KCNN2: variants seen among roughly 807,000 people sequenced by gnomAD.
KCNN2 encodes small conductance calcium-activated potassium channel protein 2.
KCNN2 carries 24 observed loss-of-function variants against 55.5 expected under a neutral mutation model. That is an observed-to-expected ratio of 0.43 (90% CI 0.31 to 0.61). The LOEUF (loss-of-function observed/expected upper bound fraction) is 0.61, where lower values mean the gene tolerates loss of function less well. Ranked by LOEUF, KCNN2 falls within the 20% of genes least tolerant of loss-of-function variation. KCNN2 has a pLI of 0.08. For missense variants in KCNN2, 754 were observed against 853.6 expected, an observed-to-expected ratio of 0.88 and a Z score of 1.45; for synonymous variants, 431 against 336.1, an observed-to-expected ratio of 1.28 and a Z score of -3.09.
chr5:114,156,850 T>A (rs1752645499), intron 1 of KCNN2, among the ~76,000 whole-genome samples: 1 of 152,134 alleles, frequency 6.6e-6, no homozygotes, highest in Non-Finnish European at 1.5e-5. Context: ...TCCATGTTAG[T>A]TCCTTTTCTA....
At chr5:114,069,188 G>A (rs1750514222) in intron 1 of KCNN2, among the ~76,000 whole-genome samples, 1 of 152,088 alleles carries the variant, frequency 6.6e-6, no homozygotes, top group African/African-American at 2.4e-5. Flanking sequence ...CCTGGTGATG[G>A]CCTGAGAAGA....
chr5:114,129,021 A>G (rs937443846), intron 1 of KCNN2, among the ~76,000 whole-genome samples: 13 of 152,220 alleles, frequency 8.5e-5, no homozygotes, highest in African/African-American at 3.1e-4. Context: ...GGAGGATTTA[A>G]TAAAGGATAA....
At chr5:114,135,565 G>C (rs999226062) in intron 1 of KCNN2, among the ~76,000 whole-genome samples, 2 of 152,056 alleles carry the variant, frequency 1.3e-5, no homozygotes, top group Non-Finnish European at 2.9e-5. Context: ...CCAATATCAG[G>C]GTTTCTTAAA....
At chr5:114,234,493 A>G (rs6594804) in intron 2 of KCNN2, among the ~76,000 whole-genome samples, 124,256 of 152,192 alleles carry the variant, frequency 0.82, 50,867 homozygotes, top group East Asian at 0.9. Context: ...TTGTTATCCC[A>G]TTATATTGAA....
chr5:114,420,918 G>C (rs1345377528), intron 3 of KCNN2, among the ~76,000 whole-genome samples: 1 of 152,018 alleles, frequency 6.6e-6, no homozygotes, highest in Non-Finnish European at 1.5e-5. Context: ...TTCAAGTTAG[G>C]TAAAAATAAT....
rs991913481 is a variant in KCNN2 at position 114,342,434 on chromosome 5, A to G, written c.-184-18511A>G. 1.1e-4 allele frequency among the ~76,000 whole-genome samples: 16 copies of G among 151,250 alleles called. No homozygotes were observed. In the East Asian group the frequency reaches 2.7e-3, roughly 26 times the overall value. ...AAAATTCTCTAATGTCATGCAAGCC[A>G]TATGGTGTGTGCGTATTGGAGGTAG... On this transcript the variant is annotated intron_variant, in intron 2 of 10. Coordinates refer to the KCNN2 transcript ENST00000512097.
intron 1 of KCNN2, 149 bp downstream of exon 1, chr5:114,363,410 C>T (rs987238245): frequency 8.0e-6 from 8 of 1,006,096 alleles, no homozygotes; most frequent in Non-Finnish European, 5.6e-6. Context: ...CTAGGACGCG[C>T]ATCCGTAGTC....
chr5:114,254,876 A>G (rs558358930), intron 2 of KCNN2, among the ~76,000 whole-genome samples: 1 of 152,292 alleles, frequency 6.6e-6, no homozygotes, highest in African/African-American at 2.4e-5. Flanking sequence ...TAACTCTAGA[A>G]AACCTGTACA....
chr5:114,441,692 T>A (rs1760220807), intron 3 of KCNN2, among the ~76,000 whole-genome samples: 1 of 152,196 alleles, frequency 6.6e-6, no homozygotes, highest in Non-Finnish European at 1.5e-5. Context: ...TCATGTAATT[T>A]GGTTTCTGTT....
intron 1 of KCNN2, among the ~76,000 whole-genome samples, chr5:114,185,147 TA>T (rs930369972): frequency 6.6e-6 from 1 of 152,172 alleles, no homozygotes; most frequent in African/African-American, 2.4e-5. Context: ...TAAAAAAGGT[TA>T]AAAGGAAAGA....
chr5:114,202,001 A>C (rs911951965), intron 1 of KCNN2, among the ~76,000 whole-genome samples: 3 of 152,112 alleles, frequency 2.0e-5, no homozygotes, highest in African/African-American at 7.2e-5. Flanking sequence ...GGGGAGTGTG[A>C]TGCTCATGTC....
intron 2 of KCNN2, among the ~76,000 whole-genome samples, chr5:114,249,268 C>A (rs2071016961): frequency 7.7e-6 from 1 of 130,026 alleles, no homozygotes; most frequent in Non-Finnish European, 1.6e-5. Flanking sequence ...CAGTATATTT[C>A]TTTTTCTTTC....
chr5:114,272,247 A>G (rs957990464), intron 2 of KCNN2, among the ~76,000 whole-genome samples: 2 of 151,782 alleles, frequency 1.3e-5, no homozygotes, highest in African/African-American at 2.4e-5. Flanking sequence ...GTGTGTACAT[A>G]TCATATACAC....
intron 1 of KCNN2, among the ~76,000 whole-genome samples, chr5:114,200,202 T>A (rs914187789): frequency 4.7e-4 from 72 of 151,620 alleles, no homozygotes; most frequent in African/African-American, 1.7e-3. Flanking sequence ...TTTAAAATAC[T>A]TTTTTTTTAT....
rs372946456 is a variant in KCNN2 at position 114,460,013 on chromosome 5, A to G, written c.1638-3036A>G. On this transcript the variant is annotated intron_variant, in intron 3 of 7. Coordinates refer to ENST00000673685, the MANE Select transcript of KCNN2 (RefSeq NM_021614.4). ...GTGTATGCTTTTCATTGCAGTTTTC[A>G]GTCATTTACTGCCCCCAACTCTGAA... Among the ~76,000 whole-genome samples, 16 of 152,276 alleles carry G rather than the reference A, an allele frequency of 1.1e-4. No individual in the cohort carries two copies. In the East Asian group the frequency reaches 3.1e-3, roughly 29 times the overall value.
chr5:114,456,224 A>G (rs1760921084), intron 3 of KCNN2, among the ~76,000 whole-genome samples: 1 of 152,224 alleles, frequency 6.6e-6, no homozygotes, highest in African/African-American at 2.4e-5. Flanking sequence ...TCTGAGTTGA[A>G]GGCAATCCTG....
At chr5:114,169,163 A>C (rs1164849004) in intron 1 of KCNN2, among the ~76,000 whole-genome samples, 3 of 152,228 alleles carry the variant, frequency 2.0e-5, no homozygotes, top group Middle Eastern at 3.4e-3. Flanking sequence ...AGCCTGCAGA[A>C]CTGTGAGTCA....
chr5:114,379,142 G>T (rs1758026294), intron 2 of KCNN2, among the ~76,000 whole-genome samples: 1 of 151,976 alleles, frequency 6.6e-6, no homozygotes, highest in African/African-American at 2.4e-5. Flanking sequence ...ATTCCTCTTA[G>T]ACCTCCTAGT....
intron 2 of KCNN2, among the ~76,000 whole-genome samples, chr5:114,332,030 G>A (rs1472391249): frequency 6.6e-6 from 1 of 152,164 alleles, no homozygotes; most frequent in Non-Finnish European, 1.5e-5. Context: ...GGTTCCATGA[G>A]GGAGACTTAG....
Sources: gnomAD v4.1 joint callset for allele counts (sites outside exome capture counted in the v4.1 genomes callset) on GRCh38, gnomAD v4.1.1 for gene constraint, MANE v1.5 for transcripts, NCBI Gene and HGNC (gene_info 2026-07-23, HGNC 2026-07-21) for gene names.